CDYL: variants seen among roughly 807,000 people sequenced by gnomAD.
The protein encoded by CDYL is chromodomain Y-like protein.
CDYL carries 8 observed loss-of-function variants against 47.3 expected under a neutral mutation model. The ratio of observed to expected loss-of-function variants is 0.17; its 90% CI spans 0.10 to 0.31. The LOEUF is 0.31. CDYL is among the 10% of genes least tolerant of loss of function. CDYL has a pLI of 1.00. For synonymous variants in CDYL, 266 were observed against 265.0 expected (o/e 1.00, Z -0.04); for missense variants, 471 against 701.4 (o/e 0.67, Z 3.71).
Position 4,751,438 on chromosome 6 carries a change from G to A in CDYL, c.186+16594G>A, listed in dbSNP as rs112013226. 4.3e-3 allele frequency among the ~76,000 whole-genome samples: 656 copies of A among 152,318 alleles called. 11 individuals carry two copies. Among genetic ancestry groups the A allele is most frequent in the East Asian group, 0.012 (62 of 5,190 alleles). ...ATACAACCTTCAGTCTTTCAAAAGT[G>A]TGAAATTTATTTAAGCATTTAAGTA... On this transcript the variant is annotated intron_variant, in intron 3 of 8. Coordinates refer to the CDYL transcript ENST00000328908.
chr6:4,933,245 T>C (rs928158080), intron 2 of CDYL, among the ~76,000 whole-genome samples: 3 of 152,112 alleles, frequency 2.0e-5, no homozygotes, highest in Non-Finnish European at 2.9e-5. Flanking sequence ...CAAGTACCTC[T>C]CTCCAACCCT....
chr6:4,899,015 C>T (rs921268502), intron 2 of CDYL, among the ~76,000 whole-genome samples: 1 of 152,190 alleles, frequency 6.6e-6, no homozygotes, highest in African/African-American at 2.4e-5. Flanking sequence ...TAGAGCAAAA[C>T]TTAGGTGTAC....
intron 5 of CDYL, among the ~76,000 whole-genome samples, chr6:4,950,415 G>A (rs1758661097): frequency 6.6e-6 from 1 of 152,190 alleles, no homozygotes; most frequent in Non-Finnish European, 1.5e-5. Context: ...AATGAAAGAA[G>A]CACAGTCTAT....
intron 1 of CDYL, among the ~76,000 whole-genome samples, chr6:4,709,716 A>G (rs1757115673): frequency 6.6e-6 from 1 of 152,178 alleles, no homozygotes; most frequent in Non-Finnish European, 1.5e-5. Flanking sequence ...GTCAGCTTTC[A>G]TATTCTTCTC....
chr6:4,938,740 T>C (rs1758277657), intron 4 of CDYL, among the ~76,000 whole-genome samples: 1 of 152,258 alleles, frequency 6.6e-6, no homozygotes, highest in South Asian at 2.1e-4. Flanking sequence ...AGTTCTGTTG[T>C]TGCTTTGCAA....
intron 2 of CDYL, among the ~76,000 whole-genome samples, chr6:4,922,823 AAC>A (rs1409030550): frequency 6.6e-6 from 1 of 152,130 alleles, no homozygotes; most frequent in East Asian, 1.9e-4. Flanking sequence ...ATGGACACCA[AAC>A]ACACCGACCT....
intron 2 of CDYL, among the ~76,000 whole-genome samples, chr6:4,916,655 A>G (rs1398246643): frequency 2.0e-5 from 3 of 152,172 alleles, no homozygotes; most frequent in Non-Finnish European, 4.4e-5. Flanking sequence ...CCCCTCTTTC[A>G]GTGATGCTGA....
chr6:4,789,678 G>A (rs1250820572), intron 1 of CDYL, among the ~76,000 whole-genome samples: 1 of 152,174 alleles, frequency 6.6e-6, no homozygotes. Flanking sequence ...TGAACTCTGG[G>A]TTCAGCGTTG....
chr6:4,735,009 G>A (rs552871901), intron 3 of CDYL, among the ~76,000 whole-genome samples: 5 of 152,112 alleles, frequency 3.3e-5, no homozygotes, highest in Admixed American at 2.6e-4. Flanking sequence ...GTTTTTGGCC[G>A]GGCACAGTGG....
At chr6:4,833,509 G>T (rs1760207066) in intron 1 of CDYL, among the ~76,000 whole-genome samples, 2 of 150,254 alleles carry the variant, frequency 1.3e-5, no homozygotes. Flanking sequence ...GGTCAATTTT[G>T]GAATAGGTGT....
chr6:4,819,273 T>C (rs11967765), intron 1 of CDYL, among the ~76,000 whole-genome samples: 4,020 of 152,136 alleles, frequency 0.026, 184 homozygotes, highest in African/African-American at 0.091. Flanking sequence ...ATTAAAGTCT[T>C]ACTTGTATGT....
chr6:4,755,931 T>A (rs1249589320), intron 3 of CDYL, among the ~76,000 whole-genome samples: 1 of 152,220 alleles, frequency 6.6e-6, no homozygotes, highest in Non-Finnish European at 1.5e-5. Context: ...TGCCTATTTT[T>A]GCCTATGGTA....
intron 1 of CDYL, among the ~76,000 whole-genome samples, chr6:4,870,217 A>C (rs1179812998): frequency 6.7e-6 from 1 of 149,850 alleles, no homozygotes; most frequent in Non-Finnish European, 1.5e-5. Flanking sequence ...GGTGTGTGCC[A>C]CTGAGGTGTG....
chr6:4,763,065 G>T (rs1353145674), intron 3 of CDYL, among the ~76,000 whole-genome samples: 1 of 152,046 alleles, frequency 6.6e-6, no homozygotes, highest in East Asian at 1.9e-4. Flanking sequence ...ACCTTCAAAG[G>T]AGCAAAAATA....
intron 1 of CDYL, among the ~76,000 whole-genome samples, chr6:4,793,614 A>C (rs962696653): frequency 1.3e-5 from 2 of 152,214 alleles, no homozygotes; most frequent in African/African-American, 2.4e-5. Context: ...GCCAGATGCT[A>C]TCTGGGCAAC....
At chr6:4,754,186 G>T (rs1758040207) in intron 3 of CDYL, among the ~76,000 whole-genome samples, 1 of 152,074 alleles carries the variant, frequency 6.6e-6, no homozygotes, top group African/African-American at 2.4e-5. Context: ...CAGTTGAATT[G>T]AGTCTCTGAC....
chr6:4,820,374 T>C (rs1285202593), intron 1 of CDYL, among the ~76,000 whole-genome samples: 1 of 152,182 alleles, frequency 6.6e-6, no homozygotes, highest in African/African-American at 2.4e-5. Context: ...GCTAGGCGTT[T>C]CTCCCTCCTC....
At chr6:4,724,742 C>T (rs1349802553) in intron 2 of CDYL, 1 of 152,198 alleles carries the variant, frequency 6.6e-6, no homozygotes, top group African/African-American at 2.4e-5. Flanking sequence ...TCACTGGCTT[C>T]AGGAGTGAAG....
At chr6:4,778,892 C>T in intron 1 of CDYL, among the ~76,000 whole-genome samples, 1 of 152,282 alleles carries the variant, frequency 6.6e-6, no homozygotes, top group East Asian at 1.9e-4. Context: ...TTAGTGACTT[C>T]CAACTCTATC....
Sources: allele counts gnomAD v4.1 joint callset (sites outside exome capture counted in the v4.1 genomes callset), GRCh38; gene constraint gnomAD v4.1.1; transcripts MANE v1.5; gene names NCBI Gene and HGNC (gene_info 2026-07-23, HGNC 2026-07-21).